Variants in TM7SF2 observed in about 807,000 individuals in gnomAD.
The protein encoded by TM7SF2 is transmembrane 7 superfamily member 2.
In TM7SF2, 51 loss-of-function variants were observed where a neutral mutation model predicts 51.0. The ratio of observed to expected loss-of-function variants is 1.00; its 90% CI spans 0.80 to 1.26. The LOEUF is 1.26. Ranked by LOEUF, TM7SF2 falls within the 50% of genes most tolerant of loss-of-function variation. The pLI is 0.00. For missense variants in TM7SF2, 541 were observed against 547.4 expected (o/e 0.99, Z 0.12); for synonymous variants, 255 against 241.0 (o/e 1.06, Z -0.54).
rs1363187058 is a variant in TM7SF2 at position 65,112,644 on chromosome 11, G to A, written c.182G>A (p.Arg61Gln). Residue 61 changes from arginine to glutamine, a missense_variant, in exon 2 of 10, where the codon CGG becomes CAG. Transcript: ENST00000279263. ...LPGLEVLWSPRALLLWLAWLG... is the reference protein window; with the variant it reads ...LPGLEVLWSPQALLLWLAWLG... ...GGGCTGGAGGTGCTGTGGAGCCCACGGGCGCTGCTGCTGTGGCTCGCCTGG... is the reference window on the plus strand; with the variant it reads ...GGGCTGGAGGTGCTGTGGAGCCCACAGGCGCTGCTGCTGTGGCTCGCCTGG... 6 of 1,536,750 alleles carry A rather than the reference G, an allele frequency of 3.9e-6. No homozygotes were observed. The highest frequency in any genetic ancestry group is 5.2e-6 in the Non-Finnish European group (6 of 1,143,602).
At chr11:65,115,437 G>A (rs1299329228) in intron 8 of TM7SF2, 39 bp from the exon 9 acceptor site, 1 of 1,614,026 alleles carries the variant, frequency 6.2e-7, no homozygotes, top group African/African-American at 1.3e-5. Context: ...GGGGCAGCTG[G>A]GCTTCCTGGG....
rs777233684 is a variant in TM7SF2, at chr11:65,115,543, C to G, written c.1041C>G (p.Arg347=). The G allele has an allele frequency of 1.2e-6, 2 of 1,614,100 alleles. No individual in the cohort carries two copies. Among genetic ancestry groups the G allele is most frequent in the Non-Finnish European group, 1.7e-6 (2 of 1,180,010 alleles). Residue 347 remains arginine (R), a synonymous_variant, in exon 9 of 10, where the codon CGC becomes CGG. Coordinates refer to ENST00000279263, the MANE Select transcript of TM7SF2 (RefSeq NM_003273.6). Reference sequence around the variant, plus strand: ...TGTCTGGGTGGTGGGGTATGGTCCGCCATCCCAACTATCTTGGAGACCTCA... The same window carrying G: ...TGTCTGGGTGGTGGGGTATGGTCCGGCATCCCAACTATCTTGGAGACCTCA... ...LLVSGWWGMV[R]HPNYLGDLIM...
At chr11:65,112,476 G>A in intron 1 of TM7SF2, 39 bp from the exon 2 acceptor site, 6 of 1,486,902 alleles carry the variant, frequency 4.0e-6, no homozygotes, top group African/African-American at 1.5e-5. Flanking sequence ...GAGCTGGGGG[G>A]CTAGGGGCGG....
chr11:65,114,993 C>T lies in TM7SF2; in HGVS notation c.804C>T (p.Pro268=), dbSNP rs1947958227. The change falls in exon 7 of 10, where the codon CCC becomes CCT. Residue 268 remains proline, a synonymous_variant. Coordinates refer to ENST00000279263, the MANE Select transcript of TM7SF2 (RefSeq NM_003273.6). The part of the protein sequence containing the change: ...MLAFGDMAWV[P]FTYSLQAQFL... ...CGTTTGGGGACATGGCCTGGGTGCC[C>T]TTCACCTACAGCCTGCAGGCCCAGT... 1 of 1,614,082 alleles carries T rather than the reference C, an allele frequency of 6.2e-7. No homozygotes were observed.
rs951158490 is a variant in TM7SF2 at position 65,114,850 on chromosome 11, G to C, written c.723+18G>C. 8 of 1,614,112 alleles carry C rather than the reference G, an allele frequency of 5.0e-6. No individual in the cohort carries two copies. The highest frequency in any genetic ancestry group is 6.8e-6 in the Non-Finnish European group (8 of 1,180,034). On this transcript the variant is annotated intron_variant, in intron 6 of 9. Transcript: ENST00000279263. ...GGCACGAGGTGAGGCTGGACTGGAC[G>C]AGGGTGGGTGTCTGAGGGCCGCATA...
intron 7 of TM7SF2, 48 bp from the exon 8 acceptor site, chr11:65,115,259 CAGGCAGG>C: frequency 6.2e-7 from 1 of 1,602,734 alleles, no homozygotes; most frequent in Non-Finnish European, 8.5e-7. Flanking sequence ...TGTTCGGGGT[CAGGCAGG>C]AGGCTGCAAC....
chr11:65,112,116 A>C (rs1369666888), intron 1 of TM7SF2, 49 bp downstream of exon 1: 1 of 1,550,760 alleles, frequency 6.4e-7, no homozygotes, highest in Admixed American at 2.1e-5. Flanking sequence ...AGCGAAGGAG[A>C]GCTGGAGCGG....
Position 65,113,431 on chromosome 11 carries a change from G to C in TM7SF2, c.499+17G>C. 1 of 1,614,202 alleles carries C rather than the reference G, an allele frequency of 6.2e-7. No homozygotes were observed. Among genetic ancestry groups the C allele is most frequent in the Non-Finnish European group, 8.5e-7 (1 of 1,180,002 alleles). ...GGAACTCAGGTGAGAGGGGTCCTGG[G>C]GTGGAGACGGAGGCAGATTGGGGCG... On this transcript the variant is annotated intron_variant, in intron 4 of 9. Transcript: ENST00000279263.
At position 65,112,991 on chromosome 11, in the gene TM7SF2, G is replaced by A. The variant is rs116673027; in HGVS notation, c.304+126G>A. On this transcript the variant is annotated intron_variant, in intron 3 of 9. Coordinates refer to ENST00000279263, the MANE Select transcript of TM7SF2 (RefSeq NM_003273.6). Reference sequence around the variant, plus strand: ...CTTTGTGTGCCTCTGTTACGCCCAGGACAGACGCCGGGGGCTCTCCCTATG... The same window carrying A: ...CTTTGTGTGCCTCTGTTACGCCCAGAACAGACGCCGGGGGCTCTCCCTATG... 2.4e-6 allele frequency: 3 copies of A among 1,239,830 alleles called. No homozygotes were observed. In the South Asian group the frequency reaches 4.4e-5, roughly 18 times the overall value. 76.8% of individuals were successfully genotyped at this position (1,239,830 alleles called of 1,614,324 possible). A position where few individuals can be genotyped will look rare whatever the true frequency, so the allele number is the denominator to read the frequency against.
In TM7SF2 at chr11:65,115,425, G is replaced by A. The variant is rs370039437; in HGVS notation, c.973+31G>A. 6 of 1,614,200 alleles carry A rather than the reference G, an allele frequency of 3.7e-6. No individual in the cohort carries two copies. The Admixed American group carries it at 5.0e-5, about 13-fold the overall frequency. The stretch of plus-strand genomic sequence containing the variant: ...CTGGTTCTCTAGGGCCATGGGTGAG[G>A]TGGGGCAGCTGGGCTTCCTGGGAAC... On this transcript the variant is annotated intron_variant, in intron 8 of 9. Coordinates refer to ENST00000279263, the MANE Select transcript of TM7SF2 (RefSeq NM_003273.6).
At chr11:65,113,116 G>A (rs892543423) in intron 3 of TM7SF2, 104 bp from the exon 4 acceptor site, 2 of 1,288,492 alleles carry the variant, frequency 1.6e-6, no homozygotes, top group African/African-American at 1.5e-5. Flanking sequence ...CCTAATGCTT[G>A]GGGCAGGGTC....
rs1301441658 is a variant in TM7SF2 at position 65,113,209 on chromosome 11, C to A, written c.305-11C>A. The A allele has an allele frequency of 6.3e-7, 1 of 1,588,028 alleles. No individual in the cohort carries two copies. Among genetic ancestry groups the A allele is most frequent in the Admixed American group, 1.7e-5 (1 of 57,670 alleles). Reference sequence around the variant, plus strand: ...GCGCAGCCCCAGGGCTCACTGTGCGCTGTGGTTCAGGCTTCCAGGCCCTGG... The same window carrying A: ...GCGCAGCCCCAGGGCTCACTGTGCGATGTGGTTCAGGCTTCCAGGCCCTGG... On this transcript the variant is annotated splice_polypyrimidine_tract_variant and intron_variant, in intron 3 of 9. Coordinates refer to ENST00000279263, the MANE Select transcript of TM7SF2 (RefSeq NM_003273.6).
chr11:65,114,990 G>A lies in TM7SF2; in HGVS notation c.801G>A (p.Val267=). Reference sequence around the variant, plus strand: ...TGGCGTTTGGGGACATGGCCTGGGTGCCCTTCACCTACAGCCTGCAGGCCC... The same window carrying A: ...TGGCGTTTGGGGACATGGCCTGGGTACCCTTCACCTACAGCCTGCAGGCCC... ...FMLAFGDMAW[V]PFTYSLQAQF... The change falls in exon 7 of 10, where the codon GTG becomes GTA. Residue 267 remains valine, a synonymous_variant. Transcript: ENST00000279263. 2 of 1,614,204 alleles carry A rather than the reference G, an allele frequency of 1.2e-6. No homozygotes were observed. Among genetic ancestry groups the A allele is most frequent in the Non-Finnish European group, 1.7e-6 (2 of 1,180,042 alleles).
chr11:65,115,738 C>A, intron 9 of TM7SF2, 140 bp downstream of exon 9: 1 of 1,561,080 alleles, frequency 6.4e-7, no homozygotes, highest in Non-Finnish European at 8.8e-7. Context: ...CTGGGGCACA[C>A]CTCTGTGCCA....
chr11:65,115,724 G>A, intron 9 of TM7SF2, 126 bp downstream of exon 9: 1 of 1,580,336 alleles, frequency 6.3e-7, no homozygotes, highest in East Asian at 2.2e-5. Flanking sequence ...GACCCAGTGT[G>A]TGGCTGGGGC....
At chr11:65,114,599 G>T in intron 5 of TM7SF2, 114 bp from the exon 6 acceptor site, 1 of 1,323,992 alleles carries the variant, frequency 7.6e-7, no homozygotes, top group South Asian at 1.4e-5. Flanking sequence ...TCTAGGGCCT[G>T]GATCCACTTA....
Position 65,115,917 on chromosome 11 carries a change from T to A in TM7SF2, c.1121T>A (p.Phe374Tyr). The A allele has an allele frequency of 6.2e-7, 1 of 1,614,052 alleles. No individual in the cohort carries two copies. Among genetic ancestry groups the A allele is most frequent in the South Asian group, 1.1e-5 (1 of 91,082 alleles). Reference protein sequence around the residue: ...PCGVSHLLPYFYLLYFTALLV... With the variant: ...PCGVSHLLPYYYLLYFTALLV... The stretch of plus-strand genomic sequence containing the variant: ...GGGGTGTCACACCTGCTGCCCTACT[T>A]CTACCTCCTCTACTTCACCGCGCTG... The change falls in exon 10 of 10, where the codon TTC becomes TAC. Residue 374 changes from phenylalanine (F) to tyrosine (Y), a missense_variant. Coordinates refer to ENST00000279263, the MANE Select transcript of TM7SF2 (RefSeq NM_003273.6).
chr11:65,112,783 C>T (rs1249428280), intron 2 of TM7SF2, 28 bp from the exon 3 acceptor site: 4 of 1,549,978 alleles, frequency 2.6e-6, no homozygotes, highest in Non-Finnish European at 3.5e-6. Flanking sequence ...ACGCCCCGGG[C>T]CTTATCAGAG....
At chr11:65,114,686 G>C (rs1463017391) in intron 5 of TM7SF2, 27 bp from the exon 6 acceptor site, 1 of 1,610,598 alleles carries the variant, frequency 6.2e-7, no homozygotes, top group Non-Finnish European at 8.5e-7. Context: ...CTTCTGTGGA[G>C]ACTATTGCCT....
Sources: gnomAD v4.1 joint callset for allele counts on GRCh38, gnomAD v4.1.1 for gene constraint, MANE v1.5 for transcripts, NCBI Gene and HGNC (gene_info 2026-07-23, HGNC 2026-07-21) for gene names.